PXDN: variants seen among roughly 807,000 people sequenced by gnomAD.
The protein encoded by PXDN is peroxidasin.
Under a neutral mutation model 140.3 loss-of-function variants are expected in PXDN, and 77 were observed. The ratio of observed to expected loss-of-function variants is 0.55; its 90% confidence interval spans 0.46 to 0.66. The LOEUF is 0.66. Ranked by LOEUF, PXDN falls within the 30% of genes least tolerant of loss-of-function variation. The pLI, the probability that PXDN is intolerant of heterozygous loss-of-function variation, is 0.00. For synonymous variants in PXDN, 911 were observed against 857.4 expected (o/e 1.06, Z -1.09); for missense variants, 1,838 against 2,039.5 (o/e 0.90, Z 1.90).
intron 9 of PXDN, 59 bp downstream of exon 9, chr2:1,673,584 C>A: frequency 3.2e-6 from 5 of 1,546,032 alleles, no homozygotes; most frequent in Non-Finnish European, 4.4e-6. Flanking sequence ...AAGGAGAAGG[C>A]AGATAGTGAG....
rs111448491 is a variant in PXDN at position 1,666,263 on chromosome 2, C to T, written c.1242G>A (p.Ala414=). The change falls in exon 10 of 23, where the codon GCG becomes GCA. Residue 414 remains alanine, a synonymous_variant. Transcript: ENST00000252804. ...CATGGACGCTGTCAATGTTGTTGGT[C>T]GCAGAGCACGCATACTCTCCGCTGT... ...QGDSGEYACS[A]TNNIDSVHAT... is the part of the protein sequence containing the mutation. 1.1e-3 allele frequency: 1,842 copies of T among 1,613,990 alleles called. 11 individuals are homozygous for T. In the African/African-American group the frequency reaches 0.018, roughly 16 times the overall value.
At chr2:1,640,370 G>A (rs985772087) in intron 19 of PXDN, among the ~76,000 whole-genome samples, 1 of 152,234 alleles carries the variant, frequency 6.6e-6, no homozygotes, top group Non-Finnish European at 1.5e-5. Flanking sequence ...GAAATTCTAT[G>A]AGAAGAGAAG....
chr2:1,708,558 G>A (rs910125546), intron 1 of PXDN, among the ~76,000 whole-genome samples: 7 of 152,126 alleles, frequency 4.6e-5, no homozygotes, highest in Non-Finnish European at 1.0e-4. Flanking sequence ...GGGAGGTTCC[G>A]CCCTGACCCA....
intron 1 of PXDN, among the ~76,000 whole-genome samples, chr2:1,732,226 G>A (rs374612864): frequency 6.6e-6 from 1 of 152,132 alleles, no homozygotes; most frequent in South Asian, 2.1e-4. Context: ...AGAAGACAAC[G>A]CTGAGAACCC....
At chr2:1,684,201 GA>G (rs767222077) in intron 4 of PXDN, 50 bp from the exon 5 acceptor site, 1 of 1,507,266 alleles carries the variant, frequency 6.6e-7, no homozygotes, top group South Asian at 1.2e-5. Flanking sequence ...TATTTTCTTA[GA>G]TCCAGATTTT....
rs2125445257 is a variant in PXDN, at chr2:1,685,219, A to G, written c.417-1068T>C. 6.6e-6 allele frequency among the ~76,000 whole-genome samples: 1 copy of G among 152,242 alleles called. No homozygotes were observed. The highest frequency in any genetic ancestry group is 1.9e-4 in the East Asian group (1 of 5,152). On this transcript the variant is annotated intron_variant, in intron 4 of 22. Coordinates refer to ENST00000252804, the MANE Select transcript of PXDN (RefSeq NM_012293.3). The surrounding 1 kb of genome is among the most constrained non-coding windows in gnomAD (Gnocchi z 5.1). ...ACACCTGCAGCCGGAGGGCCCCCAA[A>G]CGCAGACCATCCCTGCCCCTTGCCC...
chr2:1,716,694 G>T (rs1572188144), intron 1 of PXDN, among the ~76,000 whole-genome samples: 1 of 152,122 alleles, frequency 6.6e-6, no homozygotes, highest in African/African-American at 2.4e-5. Context: ...GGGGCCCACA[G>T]TGAGGTCCTG....
chr2:1,715,667 G>A (rs62116638), intron 1 of PXDN, among the ~76,000 whole-genome samples: 30,241 of 152,078 alleles, frequency 0.2, 4,052 homozygotes, highest in East Asian at 0.62. Context: ...TGCAGCAGCC[G>A]AACAAGCTGC....
intron 1 of PXDN, among the ~76,000 whole-genome samples, chr2:1,694,981 C>T (rs1421974226): frequency 2.0e-5 from 3 of 152,212 alleles, no homozygotes; most frequent in Non-Finnish European, 4.4e-5. Context: ...CCGAGCCACG[C>T]ATCACAGCTT....
chr2:1,722,213 T>A (rs1685069848), intron 1 of PXDN, among the ~76,000 whole-genome samples: 1 of 152,180 alleles, frequency 6.6e-6, no homozygotes, highest in Non-Finnish European at 1.5e-5. Context: ...GCCAAAGCAG[T>A]CCCTCTTGAA....
chr2:1,692,968 A>G, intron 2 of PXDN, 95 bp downstream of exon 2: 1 of 1,223,960 alleles, frequency 8.2e-7, no homozygotes. Context: ...TCCCCACCCA[A>G]GCCCACTGAT....
At chr2:1,707,795 C>G (rs1033363293) in intron 1 of PXDN, among the ~76,000 whole-genome samples, 2 of 152,206 alleles carry the variant, frequency 1.3e-5, no homozygotes, top group African/African-American at 4.8e-5. Flanking sequence ...CGACGATCTG[C>G]AGATATCCTT....
intron 1 of PXDN, among the ~76,000 whole-genome samples, chr2:1,717,757 A>C (rs1684927361): frequency 6.6e-6 from 1 of 150,790 alleles, no homozygotes; most frequent in Non-Finnish European, 1.5e-5. Context: ...TCTACTAACC[A>C]ACTACCCAAA....
At chr2:1,706,680 G>C (rs57351826) in intron 1 of PXDN, among the ~76,000 whole-genome samples, 1 of 24,920 alleles carries the variant, frequency 4.0e-5, no homozygotes, top group Non-Finnish European at 7.1e-5. Context: ...TCTAAGCATC[G>C]CCTGCCCCAC....
intron 12 of PXDN, 84 bp downstream of exon 12, chr2:1,663,521 A>T: frequency 6.5e-7 from 1 of 1,539,382 alleles, no homozygotes; most frequent in Admixed American, 1.7e-5. Flanking sequence ...ACGAAGAGTA[A>T]CACTAATGTC....
Position 1,644,655 on chromosome 2 carries a change from GA to G in PXDN, c.3705del (p.Leu1236SerfsTer27), listed in dbSNP as rs751460750. On this transcript the variant is annotated frameshift_variant, in exon 18 of 23. Coordinates refer to ENST00000252804, the MANE Select transcript of PXDN (RefSeq NM_012293.3). LOFTEE classifies it high-confidence loss of function. The stretch of plus-strand genomic sequence containing the variant: ...CGCAGGCGCTTGAACTGTGTGCTGA[GA>G]AGACACATCAGGGTGGGGCCCAGCC... Reference protein sequence around the residue: ...GSRLGPTLMCLLSTQFKRLRD... With the variant: ...GSRLGPTLMCXLSTQFKRLRD... 6.2e-7 allele frequency: 1 copy of G among 1,608,624 alleles called. No individual in the cohort carries two copies. The highest frequency in any genetic ancestry group is 8.5e-7 in the Non-Finnish European group (1 of 1,176,418).
In PXDN at chr2:1,643,390, C is replaced by A. The variant is rs1275031061; in HGVS notation, c.3930G>T (p.Arg1310=). The change falls in exon 19 of 23, where the codon CGG becomes CGT. Residue 1310 remains arginine, a synonymous_variant. Transcript: ENST00000252804. The part of the protein sequence containing the change: ...SCDEIPRVDL[R]VWQDCCEDCR... ...CACCTTCACAGCAGTCCTGCCACAC[C>A]CGGAGGTCTACCCTGGGGATCTCGT... is the stretch of plus-strand genomic sequence containing the variant. 6.2e-7 allele frequency: 1 copy of A among 1,613,884 alleles called. No individual in the cohort carries two copies.
chr2:1,660,965 C>G lies in PXDN; in HGVS notation c.1753G>C (p.Gly585Arg). 6.2e-7 allele frequency: 1 copy of G among 1,613,982 alleles called. No individual in the cohort carries two copies. Among genetic ancestry groups the G allele is most frequent in the Non-Finnish European group, 8.5e-7 (1 of 1,179,902 alleles). The change falls in exon 14 of 23, where the codon GGC (glycine) becomes CGC (arginine). Residue 585 changes from glycine (G) to arginine (R), a missense_variant. By Grantham distance (125) the Gly-to-Arg change is moderately radical (BLOSUM62 -2). This residue lies in a region of PXDN where 537 missense variants were observed against 583.9 expected (regional missense o/e 0.92). Coordinates refer to ENST00000252804, the MANE Select transcript of PXDN (RefSeq NM_012293.3). This position sits in a 1 kb window ranked among gnomAD's most constrained non-coding sequence, Gnocchi z 4.6. ...PEGFLTINDV[G>R]PADAGRYECV... ...TCATAGCGACCTGCGTCTGCAGGGCCAACGTCATTGATGGTCAAGAATCCT... is the reference window on the plus strand; with the variant it reads ...TCATAGCGACCTGCGTCTGCAGGGCGAACGTCATTGATGGTCAAGAATCCT...
Position 1,654,415 on chromosome 2 carries a change from G to A in PXDN, c.1931C>T (p.Thr644Ile), listed in dbSNP as rs1683083158. 1 of 1,612,682 alleles carries A rather than the reference G, an allele frequency of 6.2e-7. No homozygotes were observed. Among genetic ancestry groups the A allele is most frequent in the Admixed American group, 1.7e-5 (1 of 59,986 alleles). The change falls in exon 15 of 23, where the codon ACA becomes ATA. Residue 644 changes from threonine to isoleucine, a missense_variant. By Grantham distance (89) the Thr-to-Ile change is moderately conservative (BLOSUM62 -1). Coordinates refer to ENST00000252804, the MANE Select transcript of PXDN (RefSeq NM_012293.3). ...TVDRAINSTR[T>I]HLFDSRPRSP... ...CCCACGATACCTGTCAAACAAATGT[G>A]TTCGGGTTGAGTTTATAGCTCTGTC...
Sources: allele counts gnomAD v4.1 joint callset (sites outside exome capture counted in the v4.1 genomes callset), GRCh38; gene constraint gnomAD v4.1.1; regional missense constraint gnomAD v4.1.1; non-coding constraint Gnocchi (gnomAD v3.1); transcripts MANE v1.5; gene names NCBI Gene and HGNC (gene_info 2026-07-23, HGNC 2026-07-21).